Variants in PRKCH observed in about 807,000 individuals in gnomAD.
PRKCH encodes protein kinase C eta.
Under a neutral mutation model 82.5 loss-of-function variants are expected in PRKCH, and 28 were observed. That is an observed-to-expected ratio of 0.34 (90% CI 0.25 to 0.47). PRKCH has a LOEUF of 0.47. Among genes scored for constraint, PRKCH ranks in the 20% least tolerant of loss-of-function variants. PRKCH has a pLI of 1.00. For missense variants in PRKCH, 705 were observed against 881.8 expected (o/e 0.80, Z 2.54); for synonymous variants, 322 against 327.4 (o/e 0.98, Z 0.18).
chr14:61,216,039 C>A (rs1158182354), intron 1 of PRKCH, among the ~76,000 whole-genome samples: 1 of 152,130 alleles, frequency 6.6e-6, no homozygotes, highest in East Asian at 1.9e-4. Context: ...TTTTATACAC[C>A]CTGCTGGCTA....
In PRKCH at chr14:61,428,682, G is replaced by A. The variant is rs537338228; in HGVS notation, c.428-14429G>A. Among the ~76,000 whole-genome samples, 6 of 152,178 alleles carry A rather than the reference G, an allele frequency of 3.9e-5. No individual in the cohort carries two copies. The East Asian group carries it at 5.8e-4, about 15-fold the overall frequency. ...TTTGATAATTGATCTACTTTACTTC[G>A]ATGTCTGAGTAAAGCTTTAACCTGG... is the stretch of plus-strand genomic sequence containing the variant. On this transcript the variant is annotated intron_variant, in intron 2 of 13. Coordinates refer to ENST00000332981, the MANE Select transcript of PRKCH (RefSeq NM_006255.5).
chr14:61,297,220 A>C (rs1321809038), intron 1 of PRKCH, among the ~76,000 whole-genome samples: 1 of 152,228 alleles, frequency 6.6e-6, no homozygotes, highest in African/African-American at 2.4e-5. Flanking sequence ...TATGGTTTCA[A>C]TCAGGGTAGA....
At chr14:61,475,698 G>A (rs2140317322) in intron 9 of PRKCH, among the ~76,000 whole-genome samples, 1 of 152,290 alleles carries the variant, frequency 6.6e-6, no homozygotes, top group African/African-American at 2.4e-5. Context: ...ATTATATCAG[G>A]AAATAATATG....
intron 1 of PRKCH, among the ~76,000 whole-genome samples, chr14:61,363,354 G>A (rs559971204): frequency 5.6e-4 from 85 of 152,336 alleles, no homozygotes; most frequent in African/African-American, 2.0e-3. Context: ...AGCAGGAACC[G>A]ATCATGATAG....
rs148946832 is a variant in PRKCH, at chr14:61,202,007, A to G, written c.-19+14339A>G. Among the ~76,000 whole-genome samples the G allele has an allele frequency of 1.2e-4, 18 of 152,264 alleles. 1 individual carries two copies. The East Asian group carries it at 3.3e-3, about 28-fold the overall frequency. On this transcript the variant is annotated intron_variant, in intron 1 of 3. Coordinates refer to the PRKCH transcript ENST00000555185. ...CCATGTGCACACATTACTTTTTATA[A>G]TAAGAACCATGCCCATATTATTCAC...
At chr14:61,379,405 A>G (rs990656310) in intron 1 of PRKCH, among the ~76,000 whole-genome samples, 1 of 152,262 alleles carries the variant, frequency 6.6e-6, no homozygotes, top group Non-Finnish European at 1.5e-5. Context: ...AGAGTCTTCC[A>G]AAGTTTCCCT....
In PRKCH at chr14:61,549,889, GAATTT is replaced by G. The variant is rs1566940106; in HGVS notation, c.*59_*63del. ...CCCAAAGGGAATAGAGATTCTCCAG[GAATTT>G]CCTCTATGGGACCTTCCCAGCATCA... is the stretch of plus-strand genomic sequence containing the variant. On this transcript the variant is annotated 3_prime_UTR_variant, in exon 14 of 14. Coordinates refer to ENST00000332981, the MANE Select transcript of PRKCH (RefSeq NM_006255.5). The G allele has an allele frequency of 1.9e-6, 3 of 1,568,642 alleles. No individual in the cohort carries two copies. Among genetic ancestry groups the G allele is most frequent in the Non-Finnish European group, 2.6e-6 (3 of 1,155,532 alleles).
At chr14:61,450,693 G>A in intron 5 of PRKCH, 149 bp from the exon 6 acceptor site, 1 of 838,172 alleles carries the variant, frequency 1.2e-6, no homozygotes, top group Non-Finnish European at 1.8e-6. Context: ...TAAGACCTGA[G>A]TAATTAATCA....
intron 3 of PRKCH, among the ~76,000 whole-genome samples, chr14:61,444,026 T>C (rs1884097034): frequency 6.6e-6 from 1 of 152,242 alleles, no homozygotes; most frequent in Non-Finnish European, 1.5e-5. Context: ...CTTTAATTAT[T>C]TTGTTTAGTG....
chr14:61,263,889 GTGTGTGTA>G lies in PRKCH; in HGVS notation c.-19+76229_-19+76236del, dbSNP rs1366973809. Among the ~76,000 whole-genome samples, 336 of 94,104 alleles carry G rather than the reference GTGTGTGTA, an allele frequency of 3.6e-3. 2 individuals are homozygous for G. Among genetic ancestry groups the G allele is most frequent in the African/African-American group, 9.8e-3 (314 of 32,042 alleles). The allele number at this position is 94,104 out of a possible 152,430, so 61.7% of individuals were successfully genotyped here. A position where few individuals can be genotyped will look rare whatever the true frequency, so the allele number is the denominator to read the frequency against. The stretch of plus-strand genomic sequence containing the variant: ...TGTGTGTGTGTGTGTGTGTGTGTGT[GTGTGTGTA>G]TGTGTGTGTACGCACGTGCATGTGC... On this transcript the variant is annotated intron_variant, in intron 1 of 3. Coordinates refer to the PRKCH transcript ENST00000555185.
chr14:61,262,895 C>T (rs927480037), intron 1 of PRKCH, among the ~76,000 whole-genome samples: 1 of 152,108 alleles, frequency 6.6e-6, no homozygotes, highest in Non-Finnish European at 1.5e-5. Context: ...TTCTCGAGTG[C>T]TTACTAAGGG....
intron 1 of PRKCH, chr14:61,344,138 A>G (rs541338534): frequency 6.6e-6 from 1 of 152,354 alleles, no homozygotes; most frequent in South Asian, 2.1e-4. Flanking sequence ...GTCAGTGATG[A>G]GTCCAATGAT....
intron 1 of PRKCH, among the ~76,000 whole-genome samples, chr14:61,224,454 C>A (rs571993690): frequency 6.6e-6 from 1 of 152,178 alleles, no homozygotes; most frequent in Admixed American, 6.5e-5. Flanking sequence ...TGAGATCATG[C>A]ATTGGTTGTC....
intron 1 of PRKCH, among the ~76,000 whole-genome samples, chr14:61,300,347 A>T (rs1179925354): frequency 1.3e-5 from 2 of 152,232 alleles, no homozygotes; most frequent in African/African-American, 4.8e-5. Flanking sequence ...GACTGAAAGA[A>T]TCTCCATATG....
chr14:61,219,158 T>C (rs184111268), intron 1 of PRKCH, among the ~76,000 whole-genome samples: 9 of 152,368 alleles, frequency 5.9e-5, no homozygotes, highest in Admixed American at 5.2e-4. Flanking sequence ...ATAGGTGTGT[T>C]ATAGGGGCTC....
chr14:61,269,637 A>G (rs1453178489), intron 1 of PRKCH, among the ~76,000 whole-genome samples: 1 of 152,106 alleles, frequency 6.6e-6, no homozygotes, highest in Non-Finnish European at 1.5e-5. Flanking sequence ...GAGGAGCTTT[A>G]ATTTCTATAG....
At chr14:61,384,607 G>A (rs1020633631) in intron 1 of PRKCH, among the ~76,000 whole-genome samples, 2 of 152,000 alleles carry the variant, frequency 1.3e-5, no homozygotes, top group Non-Finnish European at 2.9e-5. Context: ...AGATGGGGAG[G>A]TATAGTATTT....
At chr14:61,443,066 G>T in intron 2 of PRKCH, 45 bp from the exon 3 acceptor site, 1 of 1,571,536 alleles carries the variant, frequency 6.4e-7, no homozygotes, top group Non-Finnish European at 8.7e-7. Flanking sequence ...AGGTGCGTTA[G>T]GTTCCTTACA....
intron 1 of PRKCH, among the ~76,000 whole-genome samples, chr14:61,387,450 A>G (rs1446354667): frequency 6.6e-6 from 1 of 152,230 alleles, no homozygotes; most frequent in African/African-American, 2.4e-5. Flanking sequence ...AGCTAGAGAC[A>G]GTGTCCACTG....
Sources: allele counts gnomAD v4.1 joint callset (sites outside exome capture counted in the v4.1 genomes callset), GRCh38; gene constraint gnomAD v4.1.1; transcripts MANE v1.5; gene names NCBI Gene and HGNC (gene_info 2026-07-23, HGNC 2026-07-21).